The following NKAIN2 variants were observed in gnomAD, a reference collection of about 807,000 sequenced individuals.
NKAIN2 encodes the protein sodium/potassium transporting ATPase interacting 2, also known as sodium/potassium-transporting ATPase subunit beta-1-interacting protein 2.
In NKAIN2, 14 loss-of-function variants were observed where a neutral mutation model predicts 32.6. The ratio of observed to expected loss-of-function variants is 0.43; its 90% CI spans 0.28 to 0.67. NKAIN2 has a LOEUF of 0.67. NKAIN2 is among the 30% of genes least tolerant of loss of function. The pLI, the probability that NKAIN2 is intolerant of heterozygous loss-of-function variation, is 0.17. For missense variants in NKAIN2, 198 were observed against 258.3 expected (o/e 0.77, Z 1.60); for synonymous variants, 80 against 87.2 (o/e 0.92, Z 0.46).
intron 1 of NKAIN2, among the ~76,000 whole-genome samples, chr6:124,071,585 G>C (rs1783471017): frequency 6.6e-6 from 1 of 152,050 alleles, no homozygotes; most frequent in Non-Finnish European, 1.5e-5. Flanking sequence ...ACTCAACAAA[G>C]ATCTAATATC....
chr6:124,440,699 C>T (rs546406554), intron 3 of NKAIN2, among the ~76,000 whole-genome samples: 4 of 151,806 alleles, frequency 2.6e-5, no homozygotes, highest in Non-Finnish European at 5.9e-5. Flanking sequence ...AGGATGCAGA[C>T]TTCTCTCTTT....
chr6:124,219,716 A>G (rs1321657891), intron 1 of NKAIN2, among the ~76,000 whole-genome samples: 1 of 152,188 alleles, frequency 6.6e-6, no homozygotes, highest in Non-Finnish European at 1.5e-5. Context: ...TATAGGAAGA[A>G]GGTATTTCCT....
intron 3 of NKAIN2, among the ~76,000 whole-genome samples, chr6:124,484,658 T>C (rs564967999): frequency 3.3e-5 from 5 of 152,180 alleles, no homozygotes; most frequent in African/African-American, 4.8e-5. Context: ...ATATGTGAGA[T>C]AACTGAACAC....
intron 1 of NKAIN2, among the ~76,000 whole-genome samples, chr6:124,154,592 T>C (rs1787891825): frequency 6.6e-6 from 1 of 151,990 alleles, no homozygotes. Flanking sequence ...ACTCTAACTC[T>C]TTCTTTAAAT....
At chr6:123,900,532 G>GT (rs34370743) in intron 1 of NKAIN2, among the ~76,000 whole-genome samples, 406 of 32,776 alleles carry the variant, frequency 0.012, 177 homozygotes, top group Non-Finnish European at 0.031. Context: ...CTCCAGATTA[G>GT]TTTTTTTTTT....
At chr6:124,326,108 A>G (rs956420049) in intron 2 of NKAIN2, among the ~76,000 whole-genome samples, 1 of 138,504 alleles carries the variant, frequency 7.2e-6, no homozygotes, top group Admixed American at 7.0e-5. Context: ...ATACCTTTCT[A>G]TTTTTGTTTG....
intron 1 of NKAIN2, among the ~76,000 whole-genome samples, chr6:124,175,511 A>G (rs56261416): frequency 0.016 from 2,416 of 152,300 alleles, 55 homozygotes; most frequent in African/African-American, 0.056. Context: ...TAATGTCTAC[A>G]CTGCCTCTGC....
chr6:124,722,323 C>T (rs935401747), intron 4 of NKAIN2, among the ~76,000 whole-genome samples: 35 of 152,270 alleles, frequency 2.3e-4, no homozygotes, highest in African/African-American at 7.9e-4. Context: ...TTCTTCTGGG[C>T]ATATATCCAA....
chr6:124,708,181 G>A (rs1322687487), intron 4 of NKAIN2, among the ~76,000 whole-genome samples: 1 of 144,282 alleles, frequency 6.9e-6, no homozygotes, highest in African/African-American at 2.6e-5. Context: ...TGAGGGCTCT[G>A]TTCTGTTCCA....
chr6:124,664,899 G>C (rs942232877), intron 4 of NKAIN2, among the ~76,000 whole-genome samples: 1 of 143,228 alleles, frequency 7.0e-6, no homozygotes, highest in Non-Finnish European at 1.5e-5. Context: ...TAAAATGTTT[G>C]ATCTTTAAAC....
rs1047004307 is a variant in NKAIN2 at position 124,202,350 on chromosome 6, C to T, written c.55-80655C>T. ...TCCTCAGTGTTCTCACAATTGGCTT[C>T]GATTCCTTAGCGAGGCAGAAACCAA... On this transcript the variant is annotated intron_variant, in intron 1 of 6. Coordinates refer to ENST00000368417, the MANE Select transcript of NKAIN2 (RefSeq NM_001040214.3). 4.6e-5 allele frequency among the ~76,000 whole-genome samples: 7 copies of T among 151,908 alleles called. No homozygotes were observed. The South Asian group carries it at 1.2e-3, about 27-fold the overall frequency.
At chr6:124,514,229 A>T (rs1435362561) in intron 3 of NKAIN2, among the ~76,000 whole-genome samples, 1 of 152,108 alleles carries the variant, frequency 6.6e-6, no homozygotes, top group Non-Finnish European at 1.5e-5. Flanking sequence ...GACCTGGGCC[A>T]CTGTTGGAGG....
At chr6:123,834,100 A>G (rs1774508921) in intron 1 of NKAIN2, among the ~76,000 whole-genome samples, 2 of 151,936 alleles carry the variant, frequency 1.3e-5, no homozygotes, top group South Asian at 4.2e-4. Flanking sequence ...TTGGTATATT[A>G]CCCTTGTATC....
chr6:124,225,829 T>C (rs1242311636), intron 1 of NKAIN2, among the ~76,000 whole-genome samples: 1 of 152,024 alleles, frequency 6.6e-6, no homozygotes, highest in Non-Finnish European at 1.5e-5. Context: ...GCGGAATATG[T>C]CATAGGATCC....
chr6:124,309,778 T>C (rs1005854470), intron 2 of NKAIN2, among the ~76,000 whole-genome samples: 2 of 152,104 alleles, frequency 1.3e-5, no homozygotes, highest in Non-Finnish European at 2.9e-5. Flanking sequence ...ACTGGGCTTT[T>C]TAAATGACAC....
chr6:123,921,925 T>C (rs1405978550), intron 1 of NKAIN2, among the ~76,000 whole-genome samples: 3 of 151,484 alleles, frequency 2.0e-5, no homozygotes, highest in African/African-American at 7.3e-5. Context: ...AGTGAGACTC[T>C]GTCTCCAAAA....
chr6:124,113,825 G>C (rs1325869855), intron 1 of NKAIN2, among the ~76,000 whole-genome samples: 1 of 152,156 alleles, frequency 6.6e-6, no homozygotes, highest in Non-Finnish European at 1.5e-5. Flanking sequence ...CCAGGATGCA[G>C]GAACCTTTCA....
chr6:124,741,285 TTTGGG>T, intron 4 of NKAIN2, among the ~76,000 whole-genome samples: 1 of 151,676 alleles, frequency 6.6e-6, no homozygotes, highest in East Asian at 2.0e-4. Flanking sequence ...GAGATAGAAA[TTTGGG>T]ATTCATTAAT....
At chr6:123,981,354 T>C (rs750690885) in intron 1 of NKAIN2, among the ~76,000 whole-genome samples, 2 of 152,130 alleles carry the variant, frequency 1.3e-5, no homozygotes, top group Non-Finnish European at 2.9e-5. Context: ...AAAAGCATCA[T>C]ACCTCCAATG....
Sources: gnomAD v4.1 joint callset for allele counts (sites outside exome capture counted in the v4.1 genomes callset) on GRCh38, gnomAD v4.1.1 for gene constraint, MANE v1.5 for transcripts, NCBI Gene and HGNC (gene_info 2026-07-23, HGNC 2026-07-21) for gene names.